Variants in ZDHHC21 observed in about 807,000 individuals in gnomAD.
ZDHHC21 encodes the protein zDHHC palmitoyltransferase 21, also known as palmitoyltransferase ZDHHC21.
A neutral mutation model predicts 34.6 loss-of-function variants in ZDHHC21; 15 were observed. The ratio of observed to expected loss-of-function variants is 0.43; its 90% CI spans 0.29 to 0.67. The LOEUF is 0.67. Ranked by LOEUF, ZDHHC21 falls within the 30% of genes least tolerant of loss-of-function variation. The pLI is 0.14. For synonymous variants in ZDHHC21, 142 were observed against 101.8 expected (o/e 1.40, Z -2.38); for missense variants, 344 against 327.7 (o/e 1.05, Z -0.38).
At chr9:14,669,917 G>A (rs1033773043) in intron 5 of ZDHHC21, among the ~76,000 whole-genome samples, 1 of 147,770 alleles carries the variant, frequency 6.8e-6, no homozygotes, top group South Asian at 2.2e-4. Context: ...TGACGAGTTA[G>A]TGGGTGCAGT....
intron 7 of ZDHHC21, among the ~76,000 whole-genome samples, chr9:14,645,317 A>G: frequency 6.6e-6 from 1 of 152,132 alleles, no homozygotes; most frequent in South Asian, 2.1e-4. Context: ...CATATGAATC[A>G]TGATTAGGAG....
chr9:14,661,037 G>C (rs1045397694), intron 6 of ZDHHC21, among the ~76,000 whole-genome samples: 1 of 152,104 alleles, frequency 6.6e-6, no homozygotes, highest in African/African-American at 2.4e-5. Context: ...TTATTCCCAA[G>C]TAATTCCCAA....
chr9:14,602,835 C>T, the ZDHHC21 span, among the ~76,000 whole-genome samples: 1 of 147,684 alleles, frequency 6.8e-6, no homozygotes, highest in Admixed American at 6.9e-5. Context: ...AGGCAGAAGG[C>T]CTGCTTGAGC....
intron 7 of ZDHHC21, among the ~76,000 whole-genome samples, chr9:14,655,440 G>C (rs1464197571): frequency 6.6e-6 from 1 of 151,794 alleles, no homozygotes; most frequent in Non-Finnish European, 1.5e-5. Flanking sequence ...CTGACTATAG[G>C]TAACATATAA....
intron 3 of ZDHHC21, among the ~76,000 whole-genome samples, chr9:14,674,601 T>A (rs1219474251): frequency 6.6e-6 from 1 of 152,044 alleles, no homozygotes; most frequent in Non-Finnish European, 1.5e-5. Context: ...TCAAATTTTA[T>A]CATAAGCTTC....
intron 7 of ZDHHC21, among the ~76,000 whole-genome samples, chr9:14,644,398 AT>A (rs1829927183): frequency 6.6e-6 from 1 of 152,074 alleles, no homozygotes; most frequent in South Asian, 2.1e-4. Context: ...CTAGTAGTAT[AT>A]TTAAGAATAA....
At chr9:14,603,314 G>A in the ZDHHC21 span, among the ~76,000 whole-genome samples, 2 of 151,806 alleles carry the variant, frequency 1.3e-5, no homozygotes, top group African/African-American at 4.8e-5. Context: ...CAAATAGGAG[G>A]AGTTACCTCC....
chr9:14,658,995 A>G, intron 6 of ZDHHC21, 108 bp from the exon 7 acceptor site: 1 of 1,114,858 alleles, frequency 9.0e-7, no homozygotes, highest in East Asian at 2.5e-5. Flanking sequence ...GCTTAACTTC[A>G]TGGAGATATG....
intron 2 of ZDHHC21, among the ~76,000 whole-genome samples, chr9:14,685,396 T>G (rs13294063): frequency 2.1e-5 from 3 of 146,282 alleles, no homozygotes; most frequent in Non-Finnish European, 4.5e-5. Flanking sequence ...GGGCAAAGGA[T>G]ATGAACAGAC....
downstream of ZDHHC21, among the ~76,000 whole-genome samples, chr9:14,608,018 G>C (rs1823071952): frequency 6.6e-6 from 1 of 152,090 alleles, no homozygotes; most frequent in Non-Finnish European, 1.5e-5. Flanking sequence ...AAATGCTTTT[G>C]AACACTGAAA....
At chr9:14,609,845 G>C (rs1400865253), downstream of ZDHHC21, among the ~76,000 whole-genome samples, 1 of 152,030 alleles carries the variant, frequency 6.6e-6, no homozygotes, top group African/African-American at 2.4e-5. Context: ...AAAATATCCA[G>C]TTACCTGAAA....
chr9:14,691,556 G>A (rs1206239479), intron 1 of ZDHHC21, among the ~76,000 whole-genome samples: 2 of 152,182 alleles, frequency 1.3e-5, no homozygotes, highest in African/African-American at 4.8e-5. Context: ...CTGTTAAGCT[G>A]ATTATATGTC....
At chr9:14,625,371 GAATC>G (rs988611346) in intron 8 of ZDHHC21, among the ~76,000 whole-genome samples, 5 of 151,812 alleles carry the variant, frequency 3.3e-5, no homozygotes, top group African/African-American at 1.2e-4. Flanking sequence ...CATAAACATC[GAATC>G]AATCATAGAA....
the ZDHHC21 span, among the ~76,000 whole-genome samples, chr9:14,591,749 A>C: frequency 1.1e-4 from 17 of 152,170 alleles, no homozygotes; most frequent in African/African-American, 4.1e-4. Context: ...AAAATACTTC[A>C]TGAAACAGTA....
intron 4 of ZDHHC21, among the ~76,000 whole-genome samples, chr9:14,673,615 C>CAT (rs1462761253): frequency 6.6e-6 from 1 of 151,294 alleles, no homozygotes; most frequent in Non-Finnish European, 1.5e-5. Flanking sequence ...TCAGTTTTAT[C>CAT]ATATATATAT....
chr9:14,675,119 C>T (rs1430444103), intron 3 of ZDHHC21, among the ~76,000 whole-genome samples: 1 of 151,916 alleles, frequency 6.6e-6, no homozygotes, highest in Non-Finnish European at 1.5e-5. Flanking sequence ...CTGAAGAAGA[C>T]TCCTGTTTAA....
At chr9:14,637,245 G>A (rs938684142) in intron 8 of ZDHHC21, among the ~76,000 whole-genome samples, 1 of 151,838 alleles carries the variant, frequency 6.6e-6, no homozygotes, top group African/African-American at 2.4e-5. Flanking sequence ...GAAATACAAA[G>A]ATTATCAAAG....
At chr9:14,625,469 A>C (rs1380362358) in intron 8 of ZDHHC21, among the ~76,000 whole-genome samples, 2 of 152,030 alleles carry the variant, frequency 1.3e-5, no homozygotes, top group African/African-American at 4.8e-5. Context: ...TCTTAATCTT[A>C]AATGCCACTT....
chr9:14,595,127 T>C, the ZDHHC21 span, among the ~76,000 whole-genome samples: 5 of 152,196 alleles, frequency 3.3e-5, no homozygotes, highest in Non-Finnish European at 5.9e-5. Flanking sequence ...AAAAATTAAA[T>C]ATAAATTTAC....
Sources: gnomAD v4.1 joint callset for allele counts (sites outside exome capture counted in the v4.1 genomes callset) on GRCh38, gnomAD v4.1.1 for gene constraint, MANE v1.5 for transcripts, NCBI Gene and HGNC (gene_info 2026-07-23, HGNC 2026-07-21) for gene names.